The following ATP2A2 variants were observed in gnomAD, a reference collection of about 807,000 sequenced individuals.
The protein encoded by ATP2A2 is sarcoplasmic/endoplasmic reticulum calcium ATPase 2.
In ATP2A2, 14 loss-of-function variants were observed where a neutral mutation model predicts 109.3. The observed-to-expected ratio is 0.13, with a 90% CI of 0.08 to 0.20. ATP2A2 has a LOEUF of 0.20. Among genes scored for constraint, ATP2A2 ranks in the 10% least tolerant of loss-of-function variants. The pLI is 1.00. For synonymous variants in ATP2A2, 506 were observed against 490.9 expected, an observed-to-expected ratio of 1.03 and a Z score of -0.41; for missense variants, 657 against 1,321.6, an observed-to-expected ratio of 0.50 and a Z score of 7.80.
intron 4 of ATP2A2, among the ~76,000 whole-genome samples, chr12:110,295,425 A>G (rs910982627): frequency 2.6e-5 from 4 of 152,132 alleles, no homozygotes; most frequent in Admixed American, 1.3e-4. Context: ...CAGCCTCCCA[A>G]AAGTGCTGGG....
At chr12:110,282,671 T>G in intron 2 of ATP2A2, 42 bp from the exon 3 acceptor site, 1 of 1,613,774 alleles carries the variant, frequency 6.2e-7, no homozygotes, top group Non-Finnish European at 8.5e-7. Context: ...GGTGTGCTGA[T>G]GGTAAGATGA....
chr12:110,307,418 A>C (rs1356882815), intron 5 of ATP2A2, among the ~76,000 whole-genome samples: 1 of 151,436 alleles, frequency 6.6e-6, no homozygotes, highest in Non-Finnish European at 1.5e-5. Flanking sequence ...TTTTTCGTAG[A>C]GATGAGGTCT....
chr12:110,345,013 T>C, intron 17 of ATP2A2, 42 bp downstream of exon 17: 1 of 1,592,168 alleles, frequency 6.3e-7, no homozygotes. Context: ...ATGAGAAGTG[T>C]TGTGAGGCCT....
chr12:110,350,979 C>T lies in ATP2A2; in HGVS notation c.*4509C>T, dbSNP rs1880341239. 1 of 153,422 alleles carries T rather than the reference C, an allele frequency of 6.5e-6. No individual in the cohort carries two copies. 9.5% of individuals were successfully genotyped at this position (153,422 alleles called of 1,614,324 possible). A position where few individuals can be genotyped will look rare whatever the true frequency, so the allele number is the denominator to read the frequency against. ...TAAAATGCTAAATGTCAATTTATCA[C>T]TGCGCATGTTTGACTTTAGACTGTA... is the stretch of plus-strand genomic sequence containing the variant. On this transcript the variant is annotated 3_prime_UTR_variant, in exon 20 of 20. Coordinates refer to ENST00000539276, the MANE Select transcript of ATP2A2 (RefSeq NM_170665.4).
At position 110,349,115 on chromosome 12, in the gene ATP2A2, G is replaced by A. The variant is rs1262720182; in HGVS notation, c.*2645G>A. On this transcript the variant is annotated 3_prime_UTR_variant, in exon 20 of 20. Coordinates refer to ENST00000539276, the MANE Select transcript of ATP2A2 (RefSeq NM_170665.4). ...CTTCCCTTGGTCCAGACAGCTGGGA[G>A]TGGGTTAGGCCCACTGCTGTTTTGA... The A allele has an allele frequency of 1.0e-5, 10 of 985,402 alleles. No homozygotes were observed. In the South Asian group the frequency reaches 3.8e-4, roughly 37 times the overall value. The allele number at this position is 985,402 out of a possible 1,614,324, so 61.0% of individuals were successfully genotyped here.
chr12:110,305,025 C>T (rs1248406246), intron 5 of ATP2A2, among the ~76,000 whole-genome samples: 3 of 151,978 alleles, frequency 2.0e-5, no homozygotes, highest in Non-Finnish European at 4.4e-5. Flanking sequence ...CCTCCGCCTC[C>T]TGGGTTCAAG....
chr12:110,315,814 G>A (rs908384041), intron 5 of ATP2A2, among the ~76,000 whole-genome samples: 3 of 152,224 alleles, frequency 2.0e-5, no homozygotes, highest in East Asian at 1.9e-4. Context: ...ATCGGCACAC[G>A]CCTGTAGTCC....
Position 110,345,988 on chromosome 12 carries a change from C to T in ATP2A2, c.2742-13C>T, listed in dbSNP as rs1384061971. On this transcript the variant is annotated splice_polypyrimidine_tract_variant and intron_variant, in intron 18 of 19. Coordinates refer to ENST00000539276, the MANE Select transcript of ATP2A2 (RefSeq NM_170665.4). ...CTTGGGGGTGCGTTTCCCCACCTCT[C>T]CTTGCTCTGCAGCTTGTCCGAAAAC... The T allele has an allele frequency of 6.2e-7, 1 of 1,613,962 alleles. No homozygotes were observed. Among genetic ancestry groups the T allele is most frequent in the South Asian group, 1.1e-5 (1 of 91,026 alleles).
intron 5 of ATP2A2, among the ~76,000 whole-genome samples, chr12:110,317,827 A>G (rs1415760158): frequency 6.6e-6 from 1 of 152,228 alleles, no homozygotes; most frequent in Non-Finnish European, 1.5e-5. Context: ...CTCTTGTGCA[A>G]GTATACTGTG....
Position 110,309,178 on chromosome 12 carries a change from G to A in ATP2A2, c.463+12441G>A, listed in dbSNP as rs1405957138. Among the ~76,000 whole-genome samples the A allele has an allele frequency of 4.2e-4, 21 of 49,490 alleles. 1 individual carries two copies. The South Asian group carries it at 0.02, about 47-fold the overall frequency. The allele number at this position is 49,490 out of a possible 152,430, so 32.5% of individuals were successfully genotyped here. ...TTTTTTTTTTTTTTTTTTTTTTTGA[G>A]ATGGAATCTCACTCTGTCGCCCAGG... On this transcript the variant is annotated intron_variant, in intron 5 of 19. Coordinates refer to ENST00000539276, the MANE Select transcript of ATP2A2 (RefSeq NM_170665.4).
intron 5 of ATP2A2, among the ~76,000 whole-genome samples, chr12:110,310,418 TC>T (rs370153020): frequency 2.8e-4 from 42 of 152,288 alleles, no homozygotes; most frequent in African/African-American, 9.4e-4. Flanking sequence ...GAGCCACCAT[TC>T]CCAGCTAGAA....
intron 11 of ATP2A2, 47 bp downstream of exon 11, chr12:110,334,190 A>G (rs1472027803): frequency 1.9e-6 from 3 of 1,607,402 alleles, no homozygotes; most frequent in African/African-American, 1.3e-5. Flanking sequence ...TATCAGTCGT[A>G]CTATATATAC....
Position 110,347,314 on chromosome 12 carries a change from C to CAGAG in ATP2A2, c.*846_*849dup. The CAGAG allele has an allele frequency of 3.1e-6, 4 of 1,272,748 alleles. No individual in the cohort carries two copies. The highest frequency in any genetic ancestry group is 4.1e-6 in the Non-Finnish European group (4 of 977,908). The allele number at this position is 1,272,748 out of a possible 1,614,324, so 78.8% of individuals were successfully genotyped here. On this transcript the variant is annotated 3_prime_UTR_variant, in exon 20 of 20. Transcript: ENST00000539276. ...AAAAAAATAAAACATTTTAAATGGA[C>CAGAG]AGAGAAAAATAACTGTCTTGTCTTT...
chr12:110,343,961 C>T (rs1237228737), intron 16 of ATP2A2, among the ~76,000 whole-genome samples: 1 of 152,118 alleles, frequency 6.6e-6, no homozygotes, highest in Admixed American at 6.5e-5. Context: ...ATTGTGTTTT[C>T]ATAATATATT....
chr12:110,345,109 A>G, intron 17 of ATP2A2, 138 bp downstream of exon 17: 1 of 1,502,922 alleles, frequency 6.7e-7, no homozygotes, highest in Non-Finnish European at 9.3e-7. Context: ...CTGAAGGACC[A>G]GGGCTTCTCC....
At chr12:110,308,511 G>C (rs1279064361) in intron 5 of ATP2A2, among the ~76,000 whole-genome samples, 1 of 152,144 alleles carries the variant, frequency 6.6e-6, no homozygotes, top group African/African-American at 2.4e-5. Context: ...CATTGAATTG[G>C]GTAAGATATA....
Position 110,339,782 on chromosome 12 carries a change from C to A in ATP2A2, c.1761+61C>A. On this transcript the variant is annotated intron_variant, in intron 13 of 19. Coordinates refer to ENST00000539276, the MANE Select transcript of ATP2A2 (RefSeq NM_170665.4). The surrounding 1 kb of genome is among the most constrained non-coding windows in gnomAD (Gnocchi z 4.4). ...CACGATTCATTGTGTTTAAACAGTA[C>A]TCCTTCAAGCAAAAGGTCAAACAGT... is the stretch of plus-strand genomic sequence containing the variant. The A allele has an allele frequency of 6.5e-7, 1 of 1,536,524 alleles. No individual in the cohort carries two copies. The highest frequency in any genetic ancestry group is 9.0e-7 in the Non-Finnish European group (1 of 1,114,038).
intron 5 of ATP2A2, among the ~76,000 whole-genome samples, chr12:110,310,152 C>CT (rs113324660): frequency 9.9e-4 from 143 of 144,186 alleles, no homozygotes; most frequent in East Asian, 4.0e-3. Context: ...TTTCTTTTTC[C>CT]TTTTTTTTTT....
Position 110,347,707 on chromosome 12 carries a change from A to G in ATP2A2, c.*1237A>G. On this transcript the variant is annotated 3_prime_UTR_variant, in exon 20 of 20. Coordinates refer to ENST00000539276, the MANE Select transcript of ATP2A2 (RefSeq NM_170665.4). ...CGATCAATGTTTGCGCATGTTCGAG[A>G]TGAGTCTCACCAACAGTGTGTAAGT... 2.6e-6 allele frequency: 3 copies of G among 1,167,030 alleles called. No homozygotes were observed. Among genetic ancestry groups the G allele is most frequent in the Non-Finnish European group, 3.2e-6 (3 of 930,742 alleles). 72.3% of individuals were successfully genotyped at this position (1,167,030 alleles called of 1,614,324 possible).
Sources: gnomAD v4.1 joint callset for allele counts (sites outside exome capture counted in the v4.1 genomes callset) on GRCh38, gnomAD v4.1.1 for gene constraint, Gnocchi (gnomAD v3.1) non-coding constraint, MANE v1.5 for transcripts, NCBI Gene and HGNC (gene_info 2026-07-23, HGNC 2026-07-21) for gene names.